AGBL1: variants seen among roughly 807,000 people sequenced by gnomAD.
AGBL1 encodes the protein cytosolic carboxypeptidase 4.
A neutral mutation model predicts 118.9 loss-of-function variants in AGBL1; 130 were observed. The ratio of observed to expected loss-of-function variants is 1.09; its 90% CI spans 0.95 to 1.26. AGBL1 has a LOEUF of 1.26. Ranked by LOEUF, AGBL1 falls within the 50% of genes most tolerant of loss-of-function variation. AGBL1 has a pLI of 0.00. For missense variants in AGBL1, 1,584 were observed against 1,298.1 expected, an observed-to-expected ratio of 1.22 and a Z score of -3.38; for synonymous variants, 555 against 478.9, an observed-to-expected ratio of 1.16 and a Z score of -2.08.
At chr15:86,971,961 G>A (rs1381246439) in intron 23 of AGBL1, among the ~76,000 whole-genome samples, 3 of 151,880 alleles carry the variant, frequency 2.0e-5, no homozygotes, top group Admixed American at 6.6e-5. Context: ...CTGCTGCCTT[G>A]TGAAGAAGGG....
intron 23 of AGBL1, among the ~76,000 whole-genome samples, chr15:86,982,391 A>C (rs1443599523): frequency 5.3e-5 from 8 of 149,928 alleles, no homozygotes; most frequent in Non-Finnish European, 1.0e-4. Context: ...GTACATTCTT[A>C]TTTTCTTTTA....
chr15:86,211,458 A>C lies in AGBL1; in HGVS notation c.489-13456A>C, dbSNP rs1214249117. On this transcript the variant is annotated intron_variant, in intron 5 of 22. Transcript: ENST00000614907. Reference sequence around the variant, plus strand: ...CTGCCCCCAGAGCTGGGGTCTACAGAGGCAGCAGGCCTTGCAGCGCTGCGG... The same window carrying C: ...CTGCCCCCAGAGCTGGGGTCTACAGCGGCAGCAGGCCTTGCAGCGCTGCGG... Among the ~76,000 whole-genome samples, 4 of 152,300 alleles carry C rather than the reference A, an allele frequency of 2.6e-5. No individual in the cohort carries two copies. The East Asian group carries it at 7.7e-4, about 29-fold the overall frequency.
At chr15:86,805,497 A>T (rs1347573873) in intron 22 of AGBL1, among the ~76,000 whole-genome samples, 3 of 152,112 alleles carry the variant, frequency 2.0e-5, no homozygotes, top group Non-Finnish European at 2.9e-5. Context: ...GAGCTAATAA[A>T]AATGTGTAGG....
intron 24 of AGBL1, among the ~76,000 whole-genome samples, chr15:87,019,419 A>T (rs1478699859): frequency 1.3e-5 from 2 of 152,110 alleles, no homozygotes; most frequent in Non-Finnish European, 2.9e-5. Context: ...TATAACAAAC[A>T]GTCTGTTAGA....
chr15:86,209,444 G>A (rs982911828), intron 5 of AGBL1, among the ~76,000 whole-genome samples: 2 of 152,042 alleles, frequency 1.3e-5, no homozygotes, highest in African/African-American at 4.8e-5. Context: ...TTATTGTGTG[G>A]GAGTCTAAGT....
chr15:86,744,802 T>C (rs1271668185), intron 22 of AGBL1, among the ~76,000 whole-genome samples: 1 of 152,152 alleles, frequency 6.6e-6, no homozygotes, highest in Admixed American at 6.6e-5. Flanking sequence ...TTTTGAGAGA[T>C]GGGTTGTTTG....
chr15:86,848,531 C>T (rs541194584), intron 22 of AGBL1, among the ~76,000 whole-genome samples: 3 of 152,096 alleles, frequency 2.0e-5, no homozygotes, highest in Non-Finnish European at 1.5e-5. Flanking sequence ...GTTACTTATA[C>T]CCCTTTATAA....
At chr15:86,307,615 C>A (rs966765415) in intron 17 of AGBL1, among the ~76,000 whole-genome samples, 1 of 152,002 alleles carries the variant, frequency 6.6e-6, no homozygotes, top group Non-Finnish European at 1.5e-5. Flanking sequence ...TTTAGGTCTT[C>A]TCTCAGCAGC....
intron 18 of AGBL1, among the ~76,000 whole-genome samples, chr15:86,512,892 T>A (rs1440487478): frequency 2.0e-5 from 3 of 151,718 alleles, no homozygotes; most frequent in Non-Finnish European, 4.4e-5. Flanking sequence ...AATTTTTGAG[T>A]TTTTCCAGTT....
intron 22 of AGBL1, among the ~76,000 whole-genome samples, chr15:86,884,522 C>G (rs559843724): frequency 2.8e-4 from 42 of 152,254 alleles, no homozygotes; most frequent in African/African-American, 1.0e-3. Flanking sequence ...AAGTTAAAAA[C>G]AAACTATAGG....
At chr15:86,085,566 T>C (rs1282120519) in intron 1 of AGBL1, among the ~76,000 whole-genome samples, 2 of 152,212 alleles carry the variant, frequency 1.3e-5, no homozygotes, top group Non-Finnish European at 2.9e-5. Context: ...TGATCTGTTT[T>C]AATTCCCCAT....
intron 18 of AGBL1, among the ~76,000 whole-genome samples, chr15:86,454,826 G>T (rs772227590): frequency 6.6e-6 from 1 of 152,066 alleles, no homozygotes; most frequent in Admixed American, 6.6e-5. Flanking sequence ...AGATGTACCC[G>T]CTTGTGAAAA....
intron 22 of AGBL1, among the ~76,000 whole-genome samples, chr15:86,756,626 G>A (rs1376969199): frequency 6.6e-6 from 1 of 152,112 alleles, no homozygotes; most frequent in Non-Finnish European, 1.5e-5. Flanking sequence ...CTGAGGGTGA[G>A]AGAAGGAGGG....
At chr15:86,540,224 A>T (rs1268978617) in intron 19 of AGBL1, among the ~76,000 whole-genome samples, 1 of 152,206 alleles carries the variant, frequency 6.6e-6, no homozygotes, top group African/African-American at 2.4e-5. Context: ...GCTGTGTTAT[A>T]TTAAAATTTT....
intron 5 of AGBL1, among the ~76,000 whole-genome samples, chr15:86,216,621 T>A (rs1206680741): frequency 6.6e-6 from 1 of 152,212 alleles, no homozygotes; most frequent in Admixed American, 6.5e-5. Flanking sequence ...TCCCATTTAC[T>A]CCTGTGTGTA....
intron 18 of AGBL1, among the ~76,000 whole-genome samples, chr15:86,471,142 A>G (rs1057276150): frequency 1.3e-5 from 2 of 152,160 alleles, no homozygotes; most frequent in Non-Finnish European, 2.9e-5. Flanking sequence ...ACCACTGAAT[A>G]TAATGTTAGT....
intron 18 of AGBL1, among the ~76,000 whole-genome samples, chr15:86,430,115 G>A (rs934634100): frequency 6.6e-6 from 1 of 152,174 alleles, no homozygotes; most frequent in Non-Finnish European, 1.5e-5. Flanking sequence ...AAGGCAAATT[G>A]TACTTTCAGT....
chr15:86,452,103 C>T (rs1278288872), intron 18 of AGBL1, among the ~76,000 whole-genome samples: 2 of 152,132 alleles, frequency 1.3e-5, no homozygotes, highest in Non-Finnish European at 2.9e-5. Context: ...TATGTAGACT[C>T]ATTAGAAATC....
intron 19 of AGBL1, among the ~76,000 whole-genome samples, chr15:86,524,167 C>T (rs774300188): frequency 6.6e-6 from 1 of 152,134 alleles, no homozygotes; most frequent in African/African-American, 2.4e-5. Context: ...AATGAGATCA[C>T]CCAGAGGTGT....
Sources: gnomAD v4.1 joint callset for allele counts (sites outside exome capture counted in the v4.1 genomes callset) on GRCh38, gnomAD v4.1.1 for gene constraint, MANE v1.5 for transcripts, NCBI Gene and HGNC (gene_info 2026-07-23, HGNC 2026-07-21) for gene names.